Variants in UGT1A8 observed in about 807,000 individuals in gnomAD.
UGT1A8 encodes UDP glucuronosyltransferase family 1 member A8, also known as UDP-glucuronosyltransferase 1A8.
In UGT1A8, 39 loss-of-function variants were observed where a neutral mutation model predicts 45.3. The ratio of observed to expected loss-of-function variants is 0.86; its 90% confidence interval spans 0.67 to 1.12. UGT1A8 has a LOEUF of 1.12. Ranked by LOEUF, UGT1A8 falls within the 50% of genes most tolerant of loss-of-function variation. The pLI is 0.00. For synonymous variants in UGT1A8, 275 were observed against 249.2 expected, an observed-to-expected ratio of 1.10 and a Z score of -0.97; for missense variants, 719 against 664.9, an observed-to-expected ratio of 1.08 and a Z score of -0.90.
intron 1 of UGT1A8, among the ~76,000 whole-genome samples, chr2:233,702,794 A>G (rs1318295420): frequency 6.6e-6 from 1 of 152,214 alleles, no homozygotes; most frequent in Non-Finnish European, 1.5e-5. Flanking sequence ...CGAACCTTGT[A>G]TTCCTAGAAT....
intron 1 of UGT1A8, among the ~76,000 whole-genome samples, chr2:233,758,056 A>C (rs1696785048): frequency 6.6e-6 from 1 of 152,062 alleles, no homozygotes; most frequent in Non-Finnish European, 1.5e-5. Context: ...GACCATTTCT[A>C]ACTTGACTTT....
chr2:233,749,865 C>A (rs113837567), intron 1 of UGT1A8, among the ~76,000 whole-genome samples: 3 of 152,004 alleles, frequency 2.0e-5, no homozygotes, highest in African/African-American at 7.3e-5. Context: ...CACTTTCTGC[C>A]AGGATTATAA....
At chr2:233,632,569 T>A (rs956777411) in intron 1 of UGT1A8, among the ~76,000 whole-genome samples, 5 of 152,208 alleles carry the variant, frequency 3.3e-5, no homozygotes, top group African/African-American at 1.2e-4. Flanking sequence ...TAAGTTGTAT[T>A]CCTAGGTATT....
intron 1 of UGT1A8, among the ~76,000 whole-genome samples, chr2:233,674,864 T>C (rs1297061009): frequency 6.6e-6 from 1 of 152,180 alleles, no homozygotes; most frequent in Non-Finnish European, 1.5e-5. Context: ...AAATTGTCAT[T>C]GACAGAAGGA....
In UGT1A8 at chr2:233,713,164, T is replaced by C. The variant is rs577803036; in HGVS notation, c.856-53870T>C. 359 of 1,614,206 alleles carry C rather than the reference T, an allele frequency of 2.2e-4. 2 individuals carry two copies. In the South Asian group the frequency reaches 3.5e-3, roughly 16 times the overall value. On this transcript the variant is annotated intron_variant, in intron 1 of 4. Coordinates refer to ENST00000373450, the MANE Select transcript of UGT1A8 (RefSeq NM_019076.5). ...GACCTCCATGCGAGAGGCCACCAGG[T>C]GGTGGTCCTCACCCTGGAGGTGAAT...
intron 1 of UGT1A8, chr2:233,747,895 C>T: frequency 6.2e-7 from 1 of 1,613,566 alleles, no homozygotes; most frequent in Non-Finnish European, 8.5e-7. Context: ...CATGCTCTTT[C>T]TGCTCCTTAT....
intron 1 of UGT1A8, among the ~76,000 whole-genome samples, chr2:233,720,204 G>A (rs1434202090): frequency 6.6e-6 from 1 of 152,176 alleles, no homozygotes; most frequent in Non-Finnish European, 1.5e-5. Context: ...GGCTGTGAAG[G>A]TGGGATGGAT....
At chr2:233,704,315 A>G (rs2075780426) in intron 1 of UGT1A8, among the ~76,000 whole-genome samples, 2 of 132,700 alleles carry the variant, frequency 1.5e-5, no homozygotes, top group South Asian at 4.6e-4. Flanking sequence ...AAATCCTTTA[A>G]TGTTTTTCTT....
intron 1 of UGT1A8, among the ~76,000 whole-genome samples, chr2:233,742,122 G>T (rs1282494456): frequency 6.6e-6 from 1 of 151,802 alleles, no homozygotes; most frequent in African/African-American, 2.4e-5. Flanking sequence ...GCTTGGTCGT[G>T]GAGACCCTAA....
intron 1 of UGT1A8, among the ~76,000 whole-genome samples, chr2:233,715,442 T>G (rs560027833): frequency 2.6e-5 from 4 of 152,318 alleles, no homozygotes; most frequent in Admixed American, 2.6e-4. Context: ...ATGTGACTCC[T>G]ATGTTATTTT....
At position 233,719,386 on chromosome 2, in the gene UGT1A8, A is replaced by G. The variant is rs141300284; in HGVS notation, c.856-47648A>G. The G allele has an allele frequency of 2.9e-5, 47 of 1,613,822 alleles. No homozygotes were observed. In the African/African-American group the frequency reaches 4.3e-4, roughly 15 times the overall value. ...GACTTTAAGGGCACACAGTGTCCAA[A>G]TCCTTCCTCCTATATTCCTAAGTTA... is the stretch of plus-strand genomic sequence containing the variant. On this transcript the variant is annotated intron_variant, in intron 1 of 4. Transcript: ENST00000373450.
At chr2:233,722,169 C>T (rs923427551) in intron 1 of UGT1A8, 1 of 158,144 alleles carries the variant, frequency 6.3e-6, no homozygotes, top group Admixed American at 6.4e-5. Flanking sequence ...CACCTGGAGA[C>T]CTTTGCCATG....
At chr2:233,740,871 A>C (rs1370147954) in intron 1 of UGT1A8, 1 of 151,850 alleles carries the variant, frequency 6.6e-6, no homozygotes, top group Non-Finnish European at 1.5e-5. Context: ...TCTTTAAATA[A>C]AATGCTCTTG....
intron 1 of UGT1A8, among the ~76,000 whole-genome samples, chr2:233,705,148 A>AAG (rs939982250): frequency 1.6e-4 from 24 of 150,886 alleles, no homozygotes; most frequent in Admixed American, 1.5e-3. Flanking sequence ...AAAAAAAAAA[A>AAG]AGAGAGAGAG....
rs558356938 is a variant in UGT1A8 at position 233,722,599 on chromosome 2, T to C, written c.856-44435T>C. Among the ~76,000 whole-genome samples the C allele has an allele frequency of 1.3e-4, 20 of 152,338 alleles. 1 individual carries two copies. In the South Asian group the frequency reaches 4.1e-3, roughly 32 times the overall value. On this transcript the variant is annotated intron_variant, in intron 1 of 4. Transcript: ENST00000373450. ...AACTTCGTTAGAGGACTATTACACT[T>C]CTTTACATTTGATTTTTCTTAATGA... is the stretch of plus-strand genomic sequence containing the variant.
chr2:233,644,668 A>C (rs2602372), intron 1 of UGT1A8, among the ~76,000 whole-genome samples: 2,943 of 152,288 alleles, frequency 0.019, 59 homozygotes, highest in Non-Finnish European at 0.028. Flanking sequence ...AATAGCACTG[A>C]TTTCAGTGCC....
In UGT1A8 at chr2:233,618,132, T is replaced by C. The variant is rs745712581; in HGVS notation, c.425T>C (p.Phe142Ser). The change falls in exon 1 of 5, where the codon TTT becomes TCT. Residue 142 changes from phenylalanine (F) to serine (S), a missense_variant. Coordinates refer to ENST00000373450, the MANE Select transcript of UGT1A8 (RefSeq NM_019076.5). ...GTAGAATACTTAAAGGAGAGTTCTT[T>C]TGATGCGGTGTTTCTTGATCCTTTT... is the stretch of plus-strand genomic sequence containing the variant. ...KLVEYLKESS[F>S]DAVFLDPFDA... is the part of the protein sequence containing the mutation. 1.7e-4 allele frequency: 279 copies of C among 1,614,084 alleles called. 3 individuals carry two copies. The South Asian group carries it at 2.5e-3, about 14-fold the overall frequency.
Position 233,638,170 on chromosome 2 carries a change from A to G in UGT1A8, c.855+19608A>G, listed in dbSNP as rs555185041. 4.6e-5 allele frequency among the ~76,000 whole-genome samples: 7 copies of G among 152,312 alleles called. No individual in the cohort carries two copies. The South Asian group carries it at 1.0e-3, about 23-fold the overall frequency. On this transcript the variant is annotated intron_variant, in intron 1 of 4. Transcript: ENST00000373450. ...CTATTAAGTCTTCCTGTTCAGGAAC[A>G]TATATGTCTCACTATTTATTCAGAT... is the stretch of plus-strand genomic sequence containing the variant.
chr2:233,692,805 GT>G, intron 1 of UGT1A8: 1 of 1,407,880 alleles, frequency 7.1e-7, no homozygotes, highest in South Asian at 1.5e-5. Context: ...CACGGCCATA[GT>G]TGGTTCATAT....
Sources: allele counts gnomAD v4.1 joint callset (sites outside exome capture counted in the v4.1 genomes callset), GRCh38; gene constraint gnomAD v4.1.1; transcripts MANE v1.5; gene names NCBI Gene and HGNC (gene_info 2026-07-23, HGNC 2026-07-21).